IGF2BP2: variants seen among roughly 807,000 people sequenced by gnomAD.
IGF2BP2 encodes insulin-like growth factor 2 mRNA-binding protein 2.
In IGF2BP2, 17 loss-of-function variants were observed where a neutral mutation model predicts 75.8. That is an observed-to-expected ratio of 0.22 (90% CI 0.15 to 0.34). The LOEUF (loss-of-function observed/expected upper bound fraction) is 0.34. Among genes scored for constraint, IGF2BP2 ranks in the 10% least tolerant of loss-of-function variants. The pLI, the probability that IGF2BP2 is intolerant of heterozygous loss-of-function variation, is 1.00. For missense variants in IGF2BP2, 516 were observed against 772.4 expected, an observed-to-expected ratio of 0.67 and a Z score of 3.93; for synonymous variants, 288 against 295.6, an observed-to-expected ratio of 0.97 and a Z score of 0.26.
intron 7 of IGF2BP2, among the ~76,000 whole-genome samples, chr3:185,684,084 GA>G (rs1324455110): frequency 1.3e-5 from 2 of 152,254 alleles, no homozygotes; most frequent in Non-Finnish European, 2.9e-5. Flanking sequence ...GGTGCTTGAA[GA>G]AGCTGCATTA....
intron 2 of IGF2BP2, chr3:185,716,426 T>C (rs753745434): frequency 2.0e-6 from 1 of 506,442 alleles, no homozygotes. Flanking sequence ...TTCCCCTCCC[T>C]CTTTCCATAT....
At chr3:185,699,094 C>T (rs1012723504) in intron 2 of IGF2BP2, among the ~76,000 whole-genome samples, 2 of 152,028 alleles carry the variant, frequency 1.3e-5, no homozygotes, top group African/African-American at 4.8e-5. Context: ...GGATTACAGG[C>T]GTGAGCCACC....
At chr3:185,814,374 T>C (rs1448957988) in intron 2 of IGF2BP2, among the ~76,000 whole-genome samples, 1 of 152,188 alleles carries the variant, frequency 6.6e-6, no homozygotes, top group Admixed American at 6.5e-5. Flanking sequence ...GAAGTATGCA[T>C]TGTTAAAAAT....
At chr3:185,761,071 T>C (rs1407668457) in intron 2 of IGF2BP2, among the ~76,000 whole-genome samples, 1 of 152,200 alleles carries the variant, frequency 6.6e-6, no homozygotes, top group Non-Finnish European at 1.5e-5. Flanking sequence ...TCTGGTACTA[T>C]CTTATCATGT....
chr3:185,756,029 T>C (rs1054891025), intron 2 of IGF2BP2, among the ~76,000 whole-genome samples: 1 of 152,144 alleles, frequency 6.6e-6, no homozygotes, highest in African/African-American at 2.4e-5. Context: ...CCAAATCTCA[T>C]GTTGAAATGT....
chr3:185,824,995 C>T lies in IGF2BP2; in HGVS notation c.-35G>A. ...CCCCGAGAGCCCGCGGCTCCCCCGGCCCGGTACCCGGCGCTCCTCGCCTCC... is the reference window on the plus strand; with the variant it reads ...CCCCGAGAGCCCGCGGCTCCCCCGGTCCGGTACCCGGCGCTCCTCGCCTCC... On this transcript the variant is annotated 5_prime_UTR_variant, in exon 1 of 16. Transcript: ENST00000382199. 2.1e-6 allele frequency: 3 copies of T among 1,443,550 alleles called. No individual in the cohort carries two copies. The highest frequency in any genetic ancestry group is 2.8e-6 in the Non-Finnish European group (3 of 1,079,494). The allele number at this position is 1,443,550 out of a possible 1,614,324, so 89.4% of individuals were successfully genotyped here. A position where few individuals can be genotyped will look rare whatever the true frequency, so the allele number is the denominator to read the frequency against.
chr3:185,694,808 C>T (rs983613330), intron 4 of IGF2BP2, among the ~76,000 whole-genome samples: 4 of 152,220 alleles, frequency 2.6e-5, no homozygotes, highest in Non-Finnish European at 5.9e-5. Flanking sequence ...TCTTTTCTGC[C>T]GGGCACGGTG....
intron 10 of IGF2BP2, among the ~76,000 whole-genome samples, chr3:185,664,785 G>C (rs1402474907): frequency 6.6e-6 from 1 of 152,160 alleles, no homozygotes; most frequent in African/African-American, 2.4e-5. Context: ...AAAGAGTAGA[G>C]TGAGGTTTGC....
chr3:185,732,728 C>T (rs1184544766), intron 2 of IGF2BP2, among the ~76,000 whole-genome samples: 1 of 152,216 alleles, frequency 6.6e-6, no homozygotes, highest in Non-Finnish European at 1.5e-5. Context: ...TATAAAGTCA[C>T]TGCTGTAGCT....
chr3:185,676,275 C>G (rs1485204103), intron 7 of IGF2BP2, among the ~76,000 whole-genome samples: 3 of 152,192 alleles, frequency 2.0e-5, no homozygotes, highest in Non-Finnish European at 4.4e-5. Flanking sequence ...CCACAGGTCT[C>G]TTTCCCCCTC....
chr3:185,742,862 C>T (rs1000219959), intron 2 of IGF2BP2, among the ~76,000 whole-genome samples: 4 of 151,960 alleles, frequency 2.6e-5, no homozygotes, highest in East Asian at 1.9e-4. Context: ...GCACTTTGGG[C>T]GGCTGAGGCG....
intron 2 of IGF2BP2, among the ~76,000 whole-genome samples, chr3:185,804,681 G>A (rs759587913): frequency 6.6e-5 from 10 of 151,718 alleles, no homozygotes; most frequent in Non-Finnish European, 1.5e-4. Flanking sequence ...AATCAATGAG[G>A]CCTCAATGTA....
chr3:185,813,487 A>G (rs1228569442), intron 2 of IGF2BP2, among the ~76,000 whole-genome samples: 1 of 152,236 alleles, frequency 6.6e-6, no homozygotes, highest in African/African-American at 2.4e-5. Flanking sequence ...AAAGGGGTAA[A>G]CAGTAGTACA....
chr3:185,675,446 G>T lies in IGF2BP2; in HGVS notation c.936-15C>A. The T allele has an allele frequency of 6.3e-7, 1 of 1,588,896 alleles. No homozygotes were observed. The highest frequency in any genetic ancestry group is 2.2e-5 in the East Asian group (1 of 44,700). On this transcript the variant is annotated splice_polypyrimidine_tract_variant and intron_variant, in intron 8 of 15. Transcript: ENST00000382199. Reference sequence around the variant, plus strand: ...AATCCTGCAAACTGACCCATGAGAAGAAAAGAGAAATTTTGTTTTCAACGG... The same window carrying T: ...AATCCTGCAAACTGACCCATGAGAATAAAAGAGAAATTTTGTTTTCAACGG...
chr3:185,725,944 TCAGGG>T (rs1727264690), intron 2 of IGF2BP2, among the ~76,000 whole-genome samples: 1 of 152,166 alleles, frequency 6.6e-6, no homozygotes, highest in Non-Finnish European at 1.5e-5. Flanking sequence ...AGCCTGCACA[TCAGGG>T]TGAAACTGTC....
chr3:185,702,244 T>G (rs1334838030), intron 2 of IGF2BP2, among the ~76,000 whole-genome samples: 1 of 152,144 alleles, frequency 6.6e-6, no homozygotes, highest in Non-Finnish European at 1.5e-5. Context: ...GGCTGCAGTC[T>G]GTTCATGATG....
At chr3:185,685,287 T>C (rs574665571) in intron 7 of IGF2BP2, among the ~76,000 whole-genome samples, 3 of 151,732 alleles carry the variant, frequency 2.0e-5, no homozygotes, top group Admixed American at 6.6e-5. Context: ...GACGGGAGGT[T>C]GCAGTGAGCC....
rs79928426 is a variant in IGF2BP2, at chr3:185,733,485, G to A, written c.240-35138C>T. On this transcript the variant is annotated intron_variant, in intron 2 of 15. Coordinates refer to ENST00000382199, the MANE Select transcript of IGF2BP2 (RefSeq NM_006548.6). ...AATAAATCAGAGCCAGACTGGGCGC[G>A]GTGGCTCACGCCTGTAATCCCAACA... Among the ~76,000 whole-genome samples, 732 of 152,278 alleles carry A rather than the reference G, an allele frequency of 4.8e-3. 7 individuals carry two copies. Among genetic ancestry groups the A allele is most frequent in the African/African-American group, 0.016 (665 of 41,558 alleles).
At chr3:185,689,695 G>A (rs1046941303) in intron 5 of IGF2BP2, 68 bp from the exon 6 acceptor site, 24 of 1,595,164 alleles carry the variant, frequency 1.5e-5, no homozygotes, top group Admixed American at 1.0e-4. Context: ...CCGGCCGGGC[G>A]CGGTGGCTCA....
Sources: gnomAD v4.1 joint callset for allele counts (sites outside exome capture counted in the v4.1 genomes callset) on GRCh38, gnomAD v4.1.1 for gene constraint, MANE v1.5 for transcripts, NCBI Gene and HGNC (gene_info 2026-07-23, HGNC 2026-07-21) for gene names.